The following IPCEF1 variants were observed in gnomAD, a reference collection of about 807,000 sequenced individuals.
IPCEF1 encodes the protein interaction protein for cytohesin exchange factors 1, also known as interactor protein for cytohesin exchange factors 1.
A neutral mutation model predicts 50.9 loss-of-function variants in IPCEF1; 31 were observed. That is an observed-to-expected ratio of 0.61 (90% CI 0.46 to 0.82). The LOEUF (loss-of-function observed/expected upper bound fraction) is 0.82, where lower values mean the gene tolerates loss of function less well. IPCEF1 is among the 40% of genes least tolerant of loss of function. The probability of loss-of-function intolerance (pLI) is 0.00; values close to 1 mark genes in which losing one functional copy is unlikely to be tolerated. For synonymous variants in IPCEF1, 181 were observed against 192.0 expected, an observed-to-expected ratio of 0.94 and a Z score of 0.47; for missense variants, 458 against 514.0, an observed-to-expected ratio of 0.89 and a Z score of 1.05.
chr6:154,292,944 C>A (rs1227780775), intron 1 of IPCEF1, among the ~76,000 whole-genome samples: 1 of 152,170 alleles, frequency 6.6e-6, no homozygotes, highest in African/African-American at 2.4e-5. Flanking sequence ...AGAACAAGAT[C>A]TTATGTCACT....
chr6:154,324,578 C>T (rs1257251015), intron 1 of IPCEF1, among the ~76,000 whole-genome samples: 3 of 151,842 alleles, frequency 2.0e-5, no homozygotes, highest in Non-Finnish European at 4.4e-5. Flanking sequence ...GAGGCCAAGG[C>T]GGGCAGATCA....
intron 1 of IPCEF1, among the ~76,000 whole-genome samples, chr6:154,342,192 C>T (rs191029843): frequency 1.3e-5 from 2 of 152,168 alleles, no homozygotes; most frequent in African/African-American, 4.8e-5. Context: ...CTAAGTCTAG[C>T]TCCTAAACCT....
chr6:154,197,493 T>C (rs1776709712), intron 10 of IPCEF1, among the ~76,000 whole-genome samples: 1 of 152,200 alleles, frequency 6.6e-6, no homozygotes, highest in African/African-American at 2.4e-5. Context: ...AATACTTTCA[T>C]TTTCTTTTCC....
chr6:154,228,497 T>A (rs1163515486), intron 5 of IPCEF1, among the ~76,000 whole-genome samples: 1 of 152,240 alleles, frequency 6.6e-6, no homozygotes, highest in Non-Finnish European at 1.5e-5. Flanking sequence ...TGTTTTATGA[T>A]GTTCTATGAT....
intron 10 of IPCEF1, among the ~76,000 whole-genome samples, chr6:154,177,169 T>A (rs564080348): frequency 6.6e-6 from 1 of 152,250 alleles, no homozygotes; most frequent in South Asian, 2.1e-4. Context: ...ACGTAAGACC[T>A]AAAACCATAA....
At chr6:154,163,807 T>A (rs575902666) in intron 11 of IPCEF1, among the ~76,000 whole-genome samples, 2 of 152,300 alleles carry the variant, frequency 1.3e-5, no homozygotes, top group African/African-American at 4.8e-5. Context: ...TAGACATAGA[T>A]TCATAGATCA....
In IPCEF1 at chr6:154,347,154, C is replaced by G. The variant is rs1370608710; in HGVS notation, c.-62+9518G>C. Among the ~76,000 whole-genome samples, 5 of 152,184 alleles carry G rather than the reference C, an allele frequency of 3.3e-5. No homozygotes were observed. The East Asian group carries it at 9.6e-4, about 29-fold the overall frequency. ...GGGGTTGGATTATACACATTCTCAG[C>G]TCCAGGAATGGAAAGGTGGACAAGC... is the stretch of plus-strand genomic sequence containing the variant. On this transcript the variant is annotated intron_variant, in intron 1 of 11. Transcript: ENST00000367220.
intron 3 of IPCEF1, 88 bp from the exon 4 acceptor site, chr6:154,247,576 T>C: frequency 9.0e-7 from 1 of 1,111,100 alleles, no homozygotes; most frequent in Non-Finnish European, 1.4e-6. Context: ...GGTGGCAGTG[T>C]TTATGAGCAG....
In IPCEF1 at chr6:154,265,924, A is replaced by C; in HGVS notation, c.24T>G (p.Asp8Glu). 1 of 1,603,072 alleles carries C rather than the reference A, an allele frequency of 6.2e-7. No individual in the cohort carries two copies. The highest frequency in any genetic ancestry group is 1.3e-5 in the African/African-American group (1 of 74,548). Residue 8 changes from aspartate to glutamate, a missense_variant, in exon 3 of 12, where the codon GAT becomes GAG. Transcript: ENST00000367220. MTSYMAI[D>E]GSALQVPLRQ... ...AAAGGATACTTACAAGAGCACTGCC[A>C]TCAATAGCCATGTATGATGTCATCT... is the stretch of plus-strand genomic sequence containing the variant.
At chr6:154,288,369 G>T (rs1474561972) in intron 2 of IPCEF1, among the ~76,000 whole-genome samples, 2 of 152,100 alleles carry the variant, frequency 1.3e-5, no homozygotes, top group African/African-American at 2.4e-5. Context: ...GTCCTTAATA[G>T]ATAACTGTGG....
At chr6:154,244,865 C>T (rs1780903386) in intron 5 of IPCEF1, among the ~76,000 whole-genome samples, 1 of 152,310 alleles carries the variant, frequency 6.6e-6, no homozygotes, top group South Asian at 2.1e-4. Flanking sequence ...ATGCCAAGCT[C>T]CATCAGCGTC....
intron 3 of IPCEF1, among the ~76,000 whole-genome samples, chr6:154,252,690 A>AG (rs1302536316): frequency 6.6e-6 from 1 of 152,194 alleles, no homozygotes; most frequent in Admixed American, 6.5e-5. Flanking sequence ...ACAAAAAAAA[A>AG]GAAAAGAAAA....
chr6:154,169,582 T>C, intron 10 of IPCEF1, among the ~76,000 whole-genome samples: 1 of 152,202 alleles, frequency 6.6e-6, no homozygotes, highest in Non-Finnish European at 1.5e-5. Flanking sequence ...TTCCCAGAAC[T>C]ACCCTTGGAG....
intron 10 of IPCEF1, among the ~76,000 whole-genome samples, chr6:154,180,154 C>T (rs1052216816): frequency 2.0e-5 from 3 of 152,066 alleles, no homozygotes; most frequent in African/African-American, 7.2e-5. Flanking sequence ...TTTGGCTTTG[C>T]TCAAAGGAGT....
chr6:154,332,594 G>A (rs1186396202), intron 1 of IPCEF1, among the ~76,000 whole-genome samples: 4 of 152,150 alleles, frequency 2.6e-5, no homozygotes, highest in Admixed American at 2.6e-4. Context: ...ACATAAAACT[G>A]GGGATTCCAG....
chr6:154,331,405 A>AAGAGAGAG (rs796267175), intron 1 of IPCEF1, among the ~76,000 whole-genome samples: 21 of 92,940 alleles, frequency 2.3e-4, no homozygotes, highest in Admixed American at 3.5e-4. Context: ...GAAAGAAAGA[A>AAGAGAGAG]AGAGAGAGAA....
intron 10 of IPCEF1, among the ~76,000 whole-genome samples, chr6:154,183,641 G>C (rs144157248): frequency 6.6e-6 from 1 of 152,158 alleles, no homozygotes; most frequent in Non-Finnish European, 1.5e-5. Context: ...GCTTACACCT[G>C]TAATCCCAGG....
intron 3 of IPCEF1, among the ~76,000 whole-genome samples, chr6:154,254,727 G>T (rs1299755348): frequency 6.6e-6 from 1 of 151,988 alleles, no homozygotes; most frequent in Non-Finnish European, 1.5e-5. Context: ...CAAACTTTCT[G>T]TGTGGTTGGT....
chr6:154,300,657 A>C (rs1782768183), intron 1 of IPCEF1, among the ~76,000 whole-genome samples: 1 of 152,110 alleles, frequency 6.6e-6, no homozygotes, highest in Non-Finnish European at 1.5e-5. Context: ...AACAACAACA[A>C]AAAAAGAAGC....
Sources: gnomAD v4.1 joint callset for allele counts (sites outside exome capture counted in the v4.1 genomes callset) on GRCh38, gnomAD v4.1.1 for gene constraint, MANE v1.5 for transcripts, NCBI Gene and HGNC (gene_info 2026-07-23, HGNC 2026-07-21) for gene names.